NTN1: variants seen among roughly 807,000 people sequenced by gnomAD.
NTN1 encodes the protein netrin-1.
NTN1 carries 11 observed loss-of-function variants against 54.2 expected under a neutral mutation model. That is an observed-to-expected ratio of 0.20 (90% CI 0.13 to 0.34). The LOEUF (loss-of-function observed/expected upper bound fraction) is 0.34, where lower values mean the gene tolerates loss of function less well. NTN1 is among the 10% of genes least tolerant of loss of function. NTN1 has a pLI of 1.00. For missense variants in NTN1, 740 were observed against 893.1 expected (o/e 0.83, Z 2.18); for synonymous variants, 371 against 382.0 (o/e 0.97, Z 0.33).
intron 5 of NTN1, among the ~76,000 whole-genome samples, chr17:9,217,160 C>G (rs1357861486): frequency 6.6e-6 from 1 of 152,220 alleles, no homozygotes; most frequent in Non-Finnish European, 1.5e-5. Flanking sequence ...ACTGCCCCCA[C>G]TCACTTCCTG....
chr17:9,207,698 G>A (rs941562135), intron 5 of NTN1, among the ~76,000 whole-genome samples: 1 of 152,196 alleles, frequency 6.6e-6, no homozygotes, highest in Non-Finnish European at 1.5e-5. Flanking sequence ...CACTGGAGCC[G>A]CGGATTGTAT....
chr17:9,202,810 A>T (rs941608651), intron 5 of NTN1, among the ~76,000 whole-genome samples: 9 of 152,264 alleles, frequency 5.9e-5, no homozygotes, highest in African/African-American at 2.2e-4. Flanking sequence ...CTGAACAGTC[A>T]TAGTTACAAA....
chr17:9,070,702 C>T (rs1156299949), intron 2 of NTN1, among the ~76,000 whole-genome samples: 1 of 152,198 alleles, frequency 6.6e-6, no homozygotes, highest in East Asian at 1.9e-4. Flanking sequence ...AATGATTCTC[C>T]TGCCTCAGCC....
At chr17:9,149,150 G>T (rs1488700606) in intron 2 of NTN1, among the ~76,000 whole-genome samples, 1 of 152,150 alleles carries the variant, frequency 6.6e-6, no homozygotes, top group Non-Finnish European at 1.5e-5. Context: ...GGAGCCAGGA[G>T]CCAGGCTTGG....
chr17:9,016,061 C>A, the NTN1 span, among the ~76,000 whole-genome samples: 1 of 150,914 alleles, frequency 6.6e-6, no homozygotes, highest in African/African-American at 2.5e-5. Context: ...GCGACAAGAG[C>A]AAAATTTATC....
At chr17:9,054,155 C>T (rs1209544901) in intron 2 of NTN1, among the ~76,000 whole-genome samples, 1 of 152,218 alleles carries the variant, frequency 6.6e-6, no homozygotes, top group Non-Finnish European at 1.5e-5. Context: ...GATTCTCTCT[C>T]CCAGAGAAAG....
chr17:9,115,685 C>A (rs760051445), intron 2 of NTN1, among the ~76,000 whole-genome samples: 1 of 152,250 alleles, frequency 6.6e-6, no homozygotes, highest in Non-Finnish European at 1.5e-5. Flanking sequence ...CCCCCCGGGG[C>A]GGGGACAAAC....
At chr17:9,184,520 T>C (rs2092427551) in intron 5 of NTN1, among the ~76,000 whole-genome samples, 1 of 152,234 alleles carries the variant, frequency 6.6e-6, no homozygotes, top group Non-Finnish European at 1.5e-5. Context: ...ATGTGACATT[T>C]GTCCTTGCCT....
chr17:9,231,523 T>C (rs936540446), intron 6 of NTN1, among the ~76,000 whole-genome samples: 1 of 152,086 alleles, frequency 6.6e-6, no homozygotes, highest in Non-Finnish European at 1.5e-5. Flanking sequence ...GTGTAGAGAG[T>C]GCATGGATGC....
rs1272835764 is a variant in NTN1, at chr17:9,173,894, T to A, written c.1208-5913T>A. The A allele has an allele frequency of 2.0e-5, 3 of 152,366 alleles. 1 individual carries two copies. Among genetic ancestry groups the A allele is most frequent in the Non-Finnish European group, 4.4e-5 (3 of 68,108 alleles). The allele number at this position is 152,366 out of a possible 1,614,324, so 9.4% of individuals were successfully genotyped here. A position where few individuals can be genotyped will look rare whatever the true frequency, so the allele number is the denominator to read the frequency against. ...TGAGGACTAGGAAGGGAGTTTCCCA[T>A]CAGACTTTGGGAGGGATGCCTTCAG... On this transcript the variant is annotated intron_variant, in intron 3 of 6. Transcript: ENST00000173229.
chr17:9,057,068 G>C (rs568765376), intron 2 of NTN1, among the ~76,000 whole-genome samples: 1 of 152,164 alleles, frequency 6.6e-6, no homozygotes, highest in South Asian at 2.1e-4. Flanking sequence ...TGGAAAACAG[G>C]CAAAACTCGG....
intron 5 of NTN1, among the ~76,000 whole-genome samples, chr17:9,190,974 C>A (rs193015111): frequency 1.5e-3 from 221 of 152,180 alleles, no homozygotes; most frequent in African/African-American, 5.1e-3. Context: ...CTGGGAAAAC[C>A]GGCTATTTAT....
At chr17:9,122,993 T>C (rs2092236033) in intron 2 of NTN1, among the ~76,000 whole-genome samples, 1 of 152,244 alleles carries the variant, frequency 6.6e-6, no homozygotes, top group Non-Finnish European at 1.5e-5. Flanking sequence ...CTAAGCTTTG[T>C]TGGGCTGAGT....
chr17:9,082,001 A>G (rs1456102653), intron 2 of NTN1, among the ~76,000 whole-genome samples: 1 of 152,116 alleles, frequency 6.6e-6, no homozygotes, highest in Non-Finnish European at 1.5e-5. Flanking sequence ...AGTTGGTTTC[A>G]TGAAAGTGGT....
At chr17:9,125,654 G>A (rs1291948915) in intron 2 of NTN1, among the ~76,000 whole-genome samples, 1 of 152,102 alleles carries the variant, frequency 6.6e-6, no homozygotes, top group Non-Finnish European at 1.5e-5. Flanking sequence ...CACCCAGGCT[G>A]TAGTGCAGTG....
At position 9,221,357 on chromosome 17, in the gene NTN1, C is replaced by A; in HGVS notation, c.1486+115C>A. Reference sequence around the variant, plus strand: ...GGTGTTGGTCGTGAAGACCCTGTGACCGATGGGAACTAGCCGGACGGATCC... The same window carrying A: ...GGTGTTGGTCGTGAAGACCCTGTGAACGATGGGAACTAGCCGGACGGATCC... On this transcript the variant is annotated intron_variant, in intron 6 of 6. Coordinates refer to ENST00000173229, the MANE Select transcript of NTN1 (RefSeq NM_004822.3). This position sits in a 1 kb window ranked among gnomAD's most constrained non-coding sequence, Gnocchi z 4.5. 1 of 798,950 alleles carries A rather than the reference C, an allele frequency of 1.3e-6. No homozygotes were observed. The allele number at this position is 798,950 out of a possible 1,614,324, so 49.5% of individuals were successfully genotyped here.
intron 2 of NTN1, among the ~76,000 whole-genome samples, chr17:9,061,206 G>A (rs2091997237): frequency 6.6e-6 from 1 of 152,166 alleles, no homozygotes; most frequent in Non-Finnish European, 1.5e-5. Flanking sequence ...GGAGGAGGAA[G>A]GGGAGGGCTC....
chr17:9,103,075 G>A (rs998138572), intron 2 of NTN1, among the ~76,000 whole-genome samples: 2 of 152,174 alleles, frequency 1.3e-5, no homozygotes, highest in African/African-American at 2.4e-5. Flanking sequence ...TGTTCAGTTC[G>A]TGAAAATTCC....
chr17:9,203,503 A>T (rs1224450932), intron 5 of NTN1, among the ~76,000 whole-genome samples: 2 of 152,078 alleles, frequency 1.3e-5, no homozygotes, highest in Admixed American at 6.5e-5. Flanking sequence ...TTCTCATATC[A>T]AGAACTGAGG....
Sources: allele counts gnomAD v4.1 joint callset (sites outside exome capture counted in the v4.1 genomes callset), GRCh38; gene constraint gnomAD v4.1.1; non-coding constraint Gnocchi (gnomAD v3.1); transcripts MANE v1.5; gene names NCBI Gene and HGNC (gene_info 2026-07-23, HGNC 2026-07-21).